The following PSMD14 variants were observed in gnomAD, a reference collection of about 807,000 sequenced individuals.
The protein encoded by PSMD14 is ubiquitin C-terminal hydrolase PSMD14.
Under a neutral mutation model 41.2 loss-of-function variants are expected in PSMD14, and 7 were observed. The ratio of observed to expected loss-of-function variants is 0.17; its 90% confidence interval spans 0.10 to 0.32. The LOEUF (loss-of-function observed/expected upper bound fraction) is 0.32. Among genes scored for constraint, PSMD14 ranks in the 10% least tolerant of loss-of-function variants. The probability of loss-of-function intolerance (pLI) is 1.00; values close to 1 mark genes in which losing one functional copy is unlikely to be tolerated. For synonymous variants in PSMD14, 114 were observed against 122.3 expected (o/e 0.93, Z 0.45); for missense variants, 139 against 375.6 (o/e 0.37, Z 5.21).
At chr2:161,399,733 TAAAA>T (rs2105270205) in intron 10 of PSMD14, among the ~76,000 whole-genome samples, 1 of 152,268 alleles carries the variant, frequency 6.6e-6, no homozygotes, top group East Asian at 1.9e-4. Flanking sequence ...TCCTTTTAAA[TAAAA>T]AAGAATTTTT....
chr2:161,389,059 G>T (rs981701472), intron 8 of PSMD14, among the ~76,000 whole-genome samples: 2 of 152,142 alleles, frequency 1.3e-5, no homozygotes, highest in South Asian at 4.1e-4. Flanking sequence ...CATGCTGTCT[G>T]TGTTAGTTTT....
rs553496857 is a variant in PSMD14, at chr2:161,390,011, T to C, written c.571-1093T>C. On this transcript the variant is annotated intron_variant, in intron 8 of 11. Coordinates refer to ENST00000409682, the MANE Select transcript of PSMD14 (RefSeq NM_005805.6). The stretch of plus-strand genomic sequence containing the variant: ...TCCCAGAGTGCTGGGATTACAGGCT[T>C]GAGCCACTGAGCCCGACCCTGCATT... Among the ~76,000 whole-genome samples the C allele has an allele frequency of 9.0e-4, 135 of 150,336 alleles. 1 individual carries two copies. The highest frequency in any genetic ancestry group is 2.8e-3 in the African/African-American group (116 of 40,960).
At chr2:161,326,689 C>T (rs1271101422) in intron 3 of PSMD14, among the ~76,000 whole-genome samples, 2 of 152,090 alleles carry the variant, frequency 1.3e-5, no homozygotes, top group Non-Finnish European at 2.9e-5. Flanking sequence ...AAATAAAATG[C>T]ATATACACTC....
At chr2:161,316,844 A>G (rs1419633705) in intron 2 of PSMD14, among the ~76,000 whole-genome samples, 1 of 152,138 alleles carries the variant, frequency 6.6e-6, no homozygotes, top group East Asian at 1.9e-4. Flanking sequence ...AACAAATTTG[A>G]CCTGCCAGAT....
chr2:161,323,590 G>A (rs1682642769), intron 3 of PSMD14, among the ~76,000 whole-genome samples: 1 of 152,048 alleles, frequency 6.6e-6, no homozygotes. Flanking sequence ...TTGAACCCAG[G>A]AGGTGGAGGT....
chr2:161,323,441 T>A (rs1391411839), intron 3 of PSMD14, among the ~76,000 whole-genome samples: 2 of 152,110 alleles, frequency 1.3e-5, no homozygotes, highest in African/African-American at 4.8e-5. Context: ...AGGGGGCAGA[T>A]GACATAAGGC....
At chr2:161,342,999 G>T (rs922653253) in intron 3 of PSMD14, among the ~76,000 whole-genome samples, 1 of 151,998 alleles carries the variant, frequency 6.6e-6, no homozygotes, top group Non-Finnish European at 1.5e-5. Context: ...GGACCTTTGT[G>T]CTATATGTTG....
At chr2:161,341,380 G>T (rs1183238230) in intron 3 of PSMD14, 10 of 878,888 alleles carry the variant, frequency 1.1e-5, no homozygotes, top group Non-Finnish European at 1.2e-5. Flanking sequence ...ATCCCGCCGC[G>T]CCCCGTCCTT....
intron 3 of PSMD14, among the ~76,000 whole-genome samples, chr2:161,348,902 G>C (rs191388175): frequency 2.6e-5 from 4 of 152,204 alleles, no homozygotes; most frequent in South Asian, 2.1e-4. Context: ...AAGAAATAAA[G>C]TAAATAACAG....
intron 3 of PSMD14, among the ~76,000 whole-genome samples, chr2:161,349,960 A>G (rs891927465): frequency 2.0e-5 from 3 of 152,246 alleles, no homozygotes; most frequent in Admixed American, 2.0e-4. Context: ...TATGTATAAC[A>G]TTGAGATGTA....
intron 3 of PSMD14, chr2:161,341,297 C>T (rs1682956728): frequency 2.0e-6 from 2 of 1,020,508 alleles, no homozygotes; most frequent in Admixed American, 6.0e-5. Context: ...GCGCAGGCAG[C>T]GCGGCCAGCA....
At chr2:161,322,818 T>C (rs774500363) in intron 3 of PSMD14, among the ~76,000 whole-genome samples, 29 of 152,218 alleles carry the variant, frequency 1.9e-4, no homozygotes, top group Non-Finnish European at 3.8e-4. Flanking sequence ...TTGGGAGTTG[T>C]AGTAGGGCTA....
At chr2:161,316,036 G>A (rs1689144599) in intron 1 of PSMD14, among the ~76,000 whole-genome samples, 2 of 152,040 alleles carry the variant, frequency 1.3e-5, no homozygotes, top group African/African-American at 4.8e-5. Flanking sequence ...TAGACACAGT[G>A]TTTCACCATG....
intron 3 of PSMD14, among the ~76,000 whole-genome samples, chr2:161,348,271 A>G (rs1255880173): frequency 6.6e-6 from 1 of 152,222 alleles, no homozygotes; most frequent in Non-Finnish European, 1.5e-5. Context: ...AAAGGGCTAG[A>G]TAGTAAATAT....
At chr2:161,389,921 G>A (rs569247643) in intron 8 of PSMD14, among the ~76,000 whole-genome samples, 4 of 8,936 alleles carry the variant, frequency 4.5e-4, no homozygotes, top group African/African-American at 1.4e-3. Flanking sequence ...TTAGAGATGG[G>A]GTATTGCTAT....
chr2:161,323,532 G>A (rs1257140977), intron 3 of PSMD14, among the ~76,000 whole-genome samples: 2 of 152,066 alleles, frequency 1.3e-5, no homozygotes, highest in South Asian at 2.1e-4. Flanking sequence ...GTGTCGTGGT[G>A]CACATCTGTA....
intron 3 of PSMD14, among the ~76,000 whole-genome samples, chr2:161,319,794 G>T (rs1689183596): frequency 6.6e-6 from 1 of 152,098 alleles, no homozygotes; most frequent in South Asian, 2.1e-4. Flanking sequence ...GAAATTTTCA[G>T]TGTTTTAGAA....
chr2:161,350,107 A>G (rs1034019655), intron 3 of PSMD14, among the ~76,000 whole-genome samples: 20 of 152,372 alleles, frequency 1.3e-4, no homozygotes, highest in African/African-American at 4.8e-4. Flanking sequence ...GTTTAGTAAT[A>G]TAAAGTTGCC....
At chr2:161,405,262 A>G (rs1224547344) in intron 10 of PSMD14, among the ~76,000 whole-genome samples, 1 of 152,066 alleles carries the variant, frequency 6.6e-6, no homozygotes, top group African/African-American at 2.4e-5. Flanking sequence ...TCCCTAATGC[A>G]TTCTTTATAC....
Sources: gnomAD v4.1 joint callset for allele counts (sites outside exome capture counted in the v4.1 genomes callset) on GRCh38, gnomAD v4.1.1 for gene constraint, MANE v1.5 for transcripts, NCBI Gene and HGNC (gene_info 2026-07-23, HGNC 2026-07-21) for gene names.